RTF1: variants seen among roughly 807,000 people sequenced by gnomAD.
RTF1 encodes RNA polymerase-associated protein RTF1 homolog.
Under a neutral mutation model 95.7 loss-of-function variants are expected in RTF1, and 10 were observed. That is an observed-to-expected ratio of 0.10 (90% CI 0.06 to 0.18). The LOEUF (loss-of-function observed/expected upper bound fraction) is 0.18, where lower values mean the gene tolerates loss of function less well. RTF1 is among the 10% of genes least tolerant of loss of function. The probability of loss-of-function intolerance (pLI) is 1.00; values close to 1 mark genes in which losing one functional copy is unlikely to be tolerated. For synonymous variants in RTF1, 305 were observed against 311.8 expected (o/e 0.98, Z 0.23); for missense variants, 458 against 875.6 (o/e 0.52, Z 6.02).
intron 2 of RTF1, among the ~76,000 whole-genome samples, chr15:41,452,198 C>T (rs746315488): frequency 5.9e-5 from 9 of 152,038 alleles, no homozygotes; most frequent in African/African-American, 1.4e-4. Flanking sequence ...CATTTTGGGA[C>T]GCCAAGGCAG....
chr15:41,471,487 G>T, intron 8 of RTF1, 138 bp downstream of exon 8: 1 of 841,216 alleles, frequency 1.2e-6, no homozygotes, highest in Non-Finnish European at 1.8e-6. Context: ...GATCCCCATA[G>T]AGCAGTGAGG....
At chr15:41,457,295 AG>A (rs111332358) in intron 3 of RTF1, among the ~76,000 whole-genome samples, 4,132 of 152,304 alleles carry the variant, frequency 0.027, 74 homozygotes, top group Middle Eastern at 0.082. Context: ...CAGCACTGGG[AG>A]GCCGAGGTGG....
intron 1 of RTF1, among the ~76,000 whole-genome samples, chr15:41,426,779 ATATGTGTGTGTGTGTG>A (rs1304406663): frequency 2.7e-4 from 21 of 77,610 alleles, no homozygotes; most frequent in South Asian, 2.2e-3. Flanking sequence ...CGCTACATAT[ATATGTGTGTGTGTGTG>A]TGTGTGTGTG....
intron 1 of RTF1, among the ~76,000 whole-genome samples, chr15:41,424,716 A>G (rs749470770): frequency 1.3e-5 from 2 of 152,206 alleles, no homozygotes; most frequent in Non-Finnish European, 2.9e-5. Flanking sequence ...CGTTAAAAAG[A>G]GAAAAGTTTT....
chr15:41,466,100 G>A (rs2050879049), intron 5 of RTF1, 41 bp from the exon 6 acceptor site: 3 of 1,324,878 alleles, frequency 2.3e-6, no homozygotes, highest in Non-Finnish European at 3.1e-6. Flanking sequence ...CTTATCAGCT[G>A]TTGGTAAAAA....
intron 6 of RTF1, 76 bp from the exon 7 acceptor site, chr15:41,470,181 T>C (rs761545529): frequency 3.0e-5 from 46 of 1,511,100 alleles, no homozygotes; most frequent in Non-Finnish European, 3.9e-5. Context: ...TCCTCTTCCA[T>C]TTCCAGTTCT....
At chr15:41,466,070 A>G (rs1259929890) in intron 5 of RTF1, 71 bp from the exon 6 acceptor site, 1 of 1,035,994 alleles carries the variant, frequency 9.7e-7, no homozygotes, top group African/African-American at 1.6e-5. Context: ...GACTAAATGC[A>G]TTAAGTAGGT....
At chr15:41,478,013 C>T (rs747893124) in intron 14 of RTF1, among the ~76,000 whole-genome samples, 4 of 150,800 alleles carry the variant, frequency 2.7e-5, no homozygotes, top group Non-Finnish European at 4.4e-5. Context: ...GGCTGAGGCA[C>T]GAGAATCACT....
chr15:41,472,952 C>T (rs942836826), intron 8 of RTF1, among the ~76,000 whole-genome samples: 15 of 151,718 alleles, frequency 9.9e-5, no homozygotes, highest in Admixed American at 2.6e-4. Context: ...CCGCCCGCCT[C>T]GGCCTCCCAA....
At position 41,480,926 on chromosome 15, in the gene RTF1, G is replaced by T; in HGVS notation, c.*239G>T. 1 of 526,648 alleles carries T rather than the reference G, an allele frequency of 1.9e-6. No individual in the cohort carries two copies. The highest frequency in any genetic ancestry group is 3.4e-6 in the Non-Finnish European group (1 of 293,242). 32.6% of individuals were successfully genotyped at this position (526,648 alleles called of 1,614,324 possible). ...CCCAGTGTGGGCCTGGGCTCTCTTGGGCTTTATCCATGTCTTTAGATTTGT... is the reference window on the plus strand; with the variant it reads ...CCCAGTGTGGGCCTGGGCTCTCTTGTGCTTTATCCATGTCTTTAGATTTGT... On this transcript the variant is annotated 3_prime_UTR_variant, in exon 18 of 18. Coordinates refer to ENST00000389629, the MANE Select transcript of RTF1 (RefSeq NM_015138.5).
chr15:41,458,855 T>C (rs1256764743), intron 4 of RTF1, among the ~76,000 whole-genome samples: 1 of 148,954 alleles, frequency 6.7e-6, no homozygotes, highest in African/African-American at 2.5e-5. Context: ...GCGGATCACT[T>C]GAGGTCAGGA....
intron 1 of RTF1, among the ~76,000 whole-genome samples, chr15:41,430,656 G>A (rs898926339): frequency 1.3e-5 from 2 of 151,490 alleles, no homozygotes; most frequent in Non-Finnish European, 2.9e-5. Flanking sequence ...TGGGAGAATC[G>A]CTTGAACCTG....
chr15:41,476,675 A>G (rs2050943161), intron 12 of RTF1, 152 bp downstream of exon 12: 2 of 672,818 alleles, frequency 3.0e-6, no homozygotes, highest in African/African-American at 1.8e-5. Context: ...CACCTGGGCA[A>G]CGTTCCTTGG....
intron 16 of RTF1, 136 bp from the exon 17 acceptor site, chr15:41,480,078 A>G: frequency 1.6e-6 from 1 of 621,506 alleles, no homozygotes; most frequent in Non-Finnish European, 2.9e-6. Context: ...TCCCTCTGAG[A>G]GAAGGAATCA....
chr15:41,467,055 G>C (rs1384352076), intron 6 of RTF1, among the ~76,000 whole-genome samples: 2 of 152,144 alleles, frequency 1.3e-5, no homozygotes, highest in South Asian at 4.1e-4. Flanking sequence ...CTCTCAGTTT[G>C]TGATGTTAAC....
Position 41,425,732 on chromosome 15 carries a change from G to A in RTF1, c.198+8419G>A, listed in dbSNP as rs185547018. Among the ~76,000 whole-genome samples the A allele has an allele frequency of 4.6e-5, 7 of 152,288 alleles. No individual in the cohort carries two copies. The East Asian group carries it at 1.3e-3, about 29-fold the overall frequency. On this transcript the variant is annotated intron_variant, in intron 1 of 17. Transcript: ENST00000389629. Reference sequence around the variant, plus strand: ...AGGACTGACTTGGATTGATATGGTTGTTATAGAGATGACAGATAGTGGAAT... The same window carrying A: ...AGGACTGACTTGGATTGATATGGTTATTATAGAGATGACAGATAGTGGAAT...
intron 2 of RTF1, among the ~76,000 whole-genome samples, chr15:41,440,719 G>T (rs1191328161): frequency 6.7e-6 from 1 of 148,752 alleles, no homozygotes; most frequent in African/African-American, 2.5e-5. Context: ...TCATTCTCCT[G>T]ACCTCGTGAT....
chr15:41,478,822 A>T, intron 15 of RTF1, 197 bp downstream of exon 15: 1 of 616,326 alleles, frequency 1.6e-6, no homozygotes, highest in Non-Finnish European at 2.8e-6. Context: ...GCATGGATTT[A>T]TAAAAACCTA....
At chr15:41,451,957 G>C (rs1035562725) in intron 2 of RTF1, among the ~76,000 whole-genome samples, 2 of 151,988 alleles carry the variant, frequency 1.3e-5, no homozygotes, top group Non-Finnish European at 2.9e-5. Flanking sequence ...CAGCTACTTA[G>C]GAGGCTCAGG....
Sources: allele counts gnomAD v4.1 joint callset (sites outside exome capture counted in the v4.1 genomes callset), GRCh38; gene constraint gnomAD v4.1.1; transcripts MANE v1.5; gene names NCBI Gene and HGNC (gene_info 2026-07-23, HGNC 2026-07-21).